Variants in TYW3 observed in about 807,000 individuals in gnomAD.
TYW3 encodes tRNA-yW synthesizing protein 3 homolog, also known as tRNA wybutosine-synthesizing protein 3 homolog.
A neutral mutation model predicts 23.1 loss-of-function variants in TYW3; 26 were observed. That is an observed-to-expected ratio of 1.13 (90% confidence interval 0.83 to 1.56). The LOEUF (loss-of-function observed/expected upper bound fraction) is 1.56. Ranked by LOEUF, TYW3 falls within the 40% of genes most tolerant of loss-of-function variation. The pLI, the probability that TYW3 is intolerant of heterozygous loss-of-function variation, is 0.00. For missense variants in TYW3, 316 were observed against 311.9 expected (o/e 1.01, Z -0.10); for synonymous variants, 102 against 105.7 (o/e 0.97, Z 0.21).
At chr1:74,742,424 G>A (rs545908603) in intron 3 of TYW3, among the ~76,000 whole-genome samples, 45 of 152,046 alleles carry the variant, frequency 3.0e-4, no homozygotes, top group Non-Finnish European at 5.9e-4. Flanking sequence ...CGTTAACCAC[G>A]CCGAGGGGAG....
intron 4 of TYW3, among the ~76,000 whole-genome samples, chr1:74,751,969 T>C (rs1648800702): frequency 1.3e-5 from 2 of 152,226 alleles, no homozygotes; most frequent in African/African-American, 4.8e-5. Context: ...TTTTCTTTCT[T>C]TCTTTAAGTC....
intron 5 of TYW3, among the ~76,000 whole-genome samples, chr1:74,756,958 T>A (rs1648974102): frequency 2.0e-5 from 3 of 152,232 alleles, no homozygotes. Flanking sequence ...GGGCTGTGGC[T>A]TCAGAGGGTG....
At chr1:74,747,726 TACACATATATAC>T (rs1196651595) in intron 3 of TYW3, among the ~76,000 whole-genome samples, 1 of 151,056 alleles carries the variant, frequency 6.6e-6, no homozygotes, top group African/African-American at 2.4e-5. Flanking sequence ...TATATATGTA[TACACATATATAC>T]ACACACATAT....
At position 74,765,556 on chromosome 1, in the gene TYW3, G is replaced by C. The variant is rs900011430; in HGVS notation, c.*1443G>C. On this transcript the variant is annotated 3_prime_UTR_variant, in exon 6 of 6. Transcript: ENST00000370867. ...GGAACTCACAGTGTCGGAATGCCTGGAGCATTTCTTCTAGTCTGGTGGACA... is the reference window on the plus strand; with the variant it reads ...GGAACTCACAGTGTCGGAATGCCTGCAGCATTTCTTCTAGTCTGGTGGACA... 17 of 152,036 alleles carry C rather than the reference G, an allele frequency of 1.1e-4. No homozygotes were observed. Among genetic ancestry groups the C allele is most frequent in the Non-Finnish European group, 1.9e-4 (13 of 67,974 alleles). The allele number at this position is 152,036 out of a possible 1,614,324, so 9.4% of individuals were successfully genotyped here.
rs558508333 is a variant in TYW3 at position 74,765,381 on chromosome 1, C to T, written c.*1268C>T. 3.3e-5 allele frequency: 5 copies of T among 152,244 alleles called. No individual in the cohort carries two copies. The highest frequency in any genetic ancestry group is 3.9e-4 in the East Asian group (2 of 5,170). The allele number at this position is 152,244 out of a possible 1,614,324, so 9.4% of individuals were successfully genotyped here. A position where few individuals can be genotyped will look rare whatever the true frequency, so the allele number is the denominator to read the frequency against. ...CAGTTTCCAGGAAAGCATGGCAACT[C>T]GTTCAGCTATGTAAGTTGAACTCTG... On this transcript the variant is annotated 3_prime_UTR_variant, in exon 6 of 6. Transcript: ENST00000370867.
At position 74,752,279 on chromosome 1, in the gene TYW3, T is replaced by C. The variant is rs557919403; in HGVS notation, c.427-13T>C. The C allele has an allele frequency of 3.4e-5, 54 of 1,582,188 alleles. No individual in the cohort carries two copies. The highest frequency in any genetic ancestry group is 4.2e-5 in the Non-Finnish European group (49 of 1,166,134). ...ATCTAAGTCTTCATATCTAAATTGT[T>C]TTTTCCTTGTAGGCTGTCCGGAGTA... On this transcript the variant is annotated splice_polypyrimidine_tract_variant and intron_variant, in intron 4 of 5. Transcript: ENST00000370867.
chr1:74,762,471 A>G (rs952528657), intron 5 of TYW3, among the ~76,000 whole-genome samples: 1 of 152,144 alleles, frequency 6.6e-6, no homozygotes, highest in Non-Finnish European at 1.5e-5. Context: ...TAACACATTT[A>G]TAGTTACATT....
At chr1:74,741,154 A>T (rs1430253343) in intron 3 of TYW3, among the ~76,000 whole-genome samples, 1 of 152,190 alleles carries the variant, frequency 6.6e-6, no homozygotes, top group Non-Finnish European at 1.5e-5. Flanking sequence ...TATGGTTAGT[A>T]TGCTGCTAGA....
At chr1:74,738,589 T>G in intron 2 of TYW3, 101 bp from the exon 3 acceptor site, 1 of 679,810 alleles carries the variant, frequency 1.5e-6, no homozygotes. Context: ...TGCTGAGTGA[T>G]TCTGAAAATT....
intron 5 of TYW3, among the ~76,000 whole-genome samples, chr1:74,755,607 T>A (rs934989610): frequency 1.3e-5 from 2 of 152,218 alleles, no homozygotes; most frequent in Non-Finnish European, 2.9e-5. Flanking sequence ...CTTTCCCTTT[T>A]AGCTATTATA....
rs1649314450 is a variant in TYW3, at chr1:74,766,555, G to A, written c.*2442G>A. The A allele has an allele frequency of 6.6e-6, 1 of 152,110 alleles. No homozygotes were observed. Among genetic ancestry groups the A allele is most frequent in the Admixed American group, 6.6e-5 (1 of 15,262 alleles). 9.4% of individuals were successfully genotyped at this position (152,110 alleles called of 1,614,324 possible). A position where few individuals can be genotyped will look rare whatever the true frequency, so the allele number is the denominator to read the frequency against. Reference sequence around the variant, plus strand: ...ATATAAAGAAATATTTTGTACAGCTGTACAATAAGCTAAGCATTATTACCA... The same window carrying A: ...ATATAAAGAAATATTTTGTACAGCTATACAATAAGCTAAGCATTATTACCA... On this transcript the variant is annotated 3_prime_UTR_variant, in exon 6 of 6. Coordinates refer to ENST00000370867, the MANE Select transcript of TYW3 (RefSeq NM_138467.3).
rs913846405 is a variant in TYW3, at chr1:74,765,344, T to C, written c.*1231T>C. On this transcript the variant is annotated 3_prime_UTR_variant, in exon 6 of 6. Transcript: ENST00000370867. ...CTTAGGTAAGTTATAGTCCTTACCA[T>C]TGGGTCTAAGGCAGTTTCCAGGAAA... is the stretch of plus-strand genomic sequence containing the variant. 6.6e-6 allele frequency: 1 copy of C among 152,164 alleles called. No homozygotes were observed. Among genetic ancestry groups the C allele is most frequent in the Non-Finnish European group, 1.5e-5 (1 of 68,024 alleles). The allele number at this position is 152,164 out of a possible 1,614,324, so 9.4% of individuals were successfully genotyped here.
chr1:74,765,652 T>C lies in TYW3; in HGVS notation c.*1539T>C, dbSNP rs957723579. 6 of 151,970 alleles carry C rather than the reference T, an allele frequency of 3.9e-5. No homozygotes were observed. Among genetic ancestry groups the C allele is most frequent in the African/African-American group, 7.2e-5 (3 of 41,386 alleles). 9.4% of individuals were successfully genotyped at this position (151,970 alleles called of 1,614,324 possible). On this transcript the variant is annotated 3_prime_UTR_variant, in exon 6 of 6. Coordinates refer to ENST00000370867, the MANE Select transcript of TYW3 (RefSeq NM_138467.3). ...GATAAATGAATAAAAAAAAAAGTTA[T>C]AAATAACAGTAGGAAAGAGAGAGTG...
intron 4 of TYW3, among the ~76,000 whole-genome samples, chr1:74,749,267 A>G (rs1188085368): frequency 6.6e-6 from 1 of 152,202 alleles, no homozygotes; most frequent in African/African-American, 2.4e-5. Context: ...TTCAGCCCAC[A>G]TGGGGCAGGA....
intron 3 of TYW3, among the ~76,000 whole-genome samples, chr1:74,748,120 C>T (rs763973346): frequency 7.3e-6 from 1 of 136,782 alleles, no homozygotes; most frequent in African/African-American, 2.7e-5. Context: ...TAGAGATCTC[C>T]CTTCCTCTTC....
rs1649245078 is a variant in TYW3 at position 74,764,694 on chromosome 1, A to G, written c.*581A>G. On this transcript the variant is annotated 3_prime_UTR_variant, in exon 6 of 6. Coordinates refer to ENST00000370867, the MANE Select transcript of TYW3 (RefSeq NM_138467.3). ...CTTCAATAATACGTATTATTATAGGAACAAAGATTTGGGAATAATTGATTA... is the reference window on the plus strand; with the variant it reads ...CTTCAATAATACGTATTATTATAGGGACAAAGATTTGGGAATAATTGATTA... 1 of 152,134 alleles carries G rather than the reference A, an allele frequency of 6.6e-6. No homozygotes were observed. The highest frequency in any genetic ancestry group is 6.6e-5 in the Admixed American group (1 of 15,242). 9.4% of individuals were successfully genotyped at this position (152,134 alleles called of 1,614,324 possible). A position where few individuals can be genotyped will look rare whatever the true frequency, so the allele number is the denominator to read the frequency against.
At chr1:74,757,445 G>T (rs975523242) in intron 5 of TYW3, among the ~76,000 whole-genome samples, 1 of 152,242 alleles carries the variant, frequency 6.6e-6, no homozygotes, top group Admixed American at 6.5e-5. Context: ...TCATTTTGGA[G>T]CTTTAATGTT....
At chr1:74,733,644 T>G in intron 1 of TYW3, 1 of 820,532 alleles carries the variant, frequency 1.2e-6, no homozygotes, top group Non-Finnish European at 1.5e-6. Context: ...CCCGATTCTT[T>G]AAGTGTAGGG....
chr1:74,748,771 T>G lies in TYW3; in HGVS notation c.375T>G (p.Ser125=), dbSNP rs376144710. Residue 125 remains serine, a synonymous_variant, in exon 4 of 6, where the codon TCT becomes TCG. Coordinates refer to ENST00000370867, the MANE Select transcript of TYW3 (RefSeq NM_138467.3). The part of the protein sequence containing the change: ...AQILHSMAID[S]GFRNSGITVG... ...TACAGCATTCCATGGCAATAGATTC[T>G]GGTTTCAGGAACTCTGGCATAACGG... is the stretch of plus-strand genomic sequence containing the variant. 9.9e-6 allele frequency: 16 copies of G among 1,613,978 alleles called. No individual in the cohort carries two copies. In the African/African-American group the frequency reaches 2.1e-4, roughly 22 times the overall value.
Sources: gnomAD v4.1 joint callset for allele counts (sites outside exome capture counted in the v4.1 genomes callset) on GRCh38, gnomAD v4.1.1 for gene constraint, MANE v1.5 for transcripts, NCBI Gene and HGNC (gene_info 2026-07-23, HGNC 2026-07-21) for gene names.